PNO1: variants seen among roughly 807,000 people sequenced by gnomAD.
PNO1 encodes partner of NOB1 homolog.
Under a neutral mutation model 28.4 loss-of-function variants are expected in PNO1, and 16 were observed. The observed-to-expected ratio is 0.56, with a 90% confidence interval of 0.38 to 0.85. PNO1 has a LOEUF of 0.85. Among genes scored for constraint, PNO1 ranks in the 40% least tolerant of loss-of-function variants. The pLI, the probability that PNO1 is intolerant of heterozygous loss-of-function variation, is 0.00. For missense variants in PNO1, 304 were observed against 312.2 expected, an observed-to-expected ratio of 0.97 and a Z score of 0.20; for synonymous variants, 115 against 110.8, an observed-to-expected ratio of 1.04 and a Z score of -0.24.
intron 5 of PNO1, chr2:68,173,071 T>C (rs1674173609): frequency 3.4e-6 from 1 of 295,690 alleles, no homozygotes; most frequent in African/African-American, 2.2e-5. Context: ...AATGCTTTTT[T>C]GTCTACAATG....
At chr2:68,158,578 C>A in intron 2 of PNO1, 49 bp downstream of exon 2, 3 of 1,529,280 alleles carry the variant, frequency 2.0e-6, no homozygotes, top group Non-Finnish European at 2.7e-6. Context: ...TTCTCTCCTA[C>A]AGAGATGAAA....
At chr2:68,167,094 A>G (rs1674014400) in intron 5 of PNO1, among the ~76,000 whole-genome samples, 1 of 152,212 alleles carries the variant, frequency 6.6e-6, no homozygotes, top group Non-Finnish European at 1.5e-5. Flanking sequence ...TAATAATGAC[A>G]GTGTCTTCAA....
intron 6 of PNO1, among the ~76,000 whole-genome samples, 159 bp downstream of exon 6, chr2:68,173,576 A>ATTTTTTT (rs34874863): frequency 3.6e-5 from 4 of 111,404 alleles, no homozygotes; most frequent in Non-Finnish European, 6.9e-5. Context: ...AGGAAGTAGA[A>ATTTTTTT]TTTTTTTTTT....
chr2:68,171,321 T>G (rs762987515), intron 5 of PNO1, among the ~76,000 whole-genome samples: 11 of 152,238 alleles, frequency 7.2e-5, no homozygotes, highest in Non-Finnish European at 2.9e-5. Context: ...GCCCCCATGC[T>G]TTCTGCGTGC....
intron 5 of PNO1, among the ~76,000 whole-genome samples, chr2:68,164,988 C>T (rs964057992): frequency 6.6e-6 from 1 of 150,448 alleles, no homozygotes; most frequent in Non-Finnish European, 1.5e-5. Flanking sequence ...ACCACTTTGG[C>T]GCAATTATAA....
intron 2 of PNO1, among the ~76,000 whole-genome samples, chr2:68,159,254 A>ATGTGTG (rs71825244): frequency 6.7e-6 from 1 of 150,248 alleles, no homozygotes; most frequent in South Asian, 2.1e-4. Context: ...ATGCATATAT[A>ATGTGTG]TGTGTGTGTG....
chr2:68,159,492 T>C (rs1673774861), intron 2 of PNO1, among the ~76,000 whole-genome samples: 1 of 151,472 alleles, frequency 6.6e-6, no homozygotes, highest in Non-Finnish European at 1.5e-5. Flanking sequence ...AGGCGTGAGC[T>C]GCCCCACCGA....
At chr2:68,165,180 C>T (rs1446577681) in intron 5 of PNO1, among the ~76,000 whole-genome samples, 4 of 151,376 alleles carry the variant, frequency 2.6e-5, no homozygotes, top group Non-Finnish European at 4.4e-5. Flanking sequence ...CCGGCTAAAA[C>T]GGTGAAACCC....
chr2:68,164,038 A>G (rs1673910973), intron 5 of PNO1, among the ~76,000 whole-genome samples: 1 of 152,226 alleles, frequency 6.6e-6, no homozygotes, highest in Non-Finnish European at 1.5e-5. Flanking sequence ...CATTCTTTAC[A>G]CTTTAAGGAT....
intron 6 of PNO1, among the ~76,000 whole-genome samples, chr2:68,174,304 T>G (rs1012182459): frequency 1.3e-5 from 2 of 151,202 alleles, no homozygotes; most frequent in Non-Finnish European, 3.0e-5. Context: ...TTTTTTTTTT[T>G]TTTTTTGTAA....
At chr2:68,158,323 T>A (rs1230242338) in intron 1 of PNO1, 57 bp from the exon 2 acceptor site, 1 of 1,525,828 alleles carries the variant, frequency 6.6e-7, no homozygotes, top group Non-Finnish European at 8.9e-7. Flanking sequence ...GATGTCATTT[T>A]AAACTCCATC....
intron 2 of PNO1, chr2:68,161,091 GTTA>G (rs1572936561): frequency 7.3e-6 from 3 of 409,772 alleles, no homozygotes; most frequent in African/African-American, 4.2e-5. Flanking sequence ...TGTAAAGCAT[GTTA>G]TTTATAGTAC....
At chr2:68,160,434 A>C (rs1309915257) in intron 2 of PNO1, among the ~76,000 whole-genome samples, 5 of 152,126 alleles carry the variant, frequency 3.3e-5, no homozygotes, top group Non-Finnish European at 1.5e-5. Flanking sequence ...CTTCAGTTCC[A>C]GTATCTTTCC....
rs369267430 is a variant in PNO1, at chr2:68,163,386, G to GC, written c.620+725dup. 2.2e-3 allele frequency among the ~76,000 whole-genome samples: 327 copies of GC among 152,084 alleles called. 1 individual carries two copies. Among genetic ancestry groups the GC allele is most frequent in the African/African-American group, 7.3e-3 (303 of 41,486 alleles). ...CTCTCTACTAAAAATACAAAAATTA[G>GC]CCGGGCATGTGGCATACGCCTTTAG... is the stretch of plus-strand genomic sequence containing the variant. On this transcript the variant is annotated intron_variant, in intron 5 of 6. Coordinates refer to ENST00000263657, the MANE Select transcript of PNO1 (RefSeq NM_020143.4).
rs1178731414 is a variant in PNO1 at position 68,158,490 on chromosome 2, G to A, written c.318G>A (p.Gln106=). The A allele has an allele frequency of 1.9e-6, 3 of 1,613,554 alleles. No individual in the cohort carries two copies. Among genetic ancestry groups the A allele is most frequent in the Non-Finnish European group, 2.5e-6 (3 of 1,179,766 alleles). The change falls in exon 2 of 7, where the codon CAG becomes CAA. Residue 106 remains glutamine, a synonymous_variant. Transcript: ENST00000263657. ...FTPIVEHLGL[Q]IRFNLKSRNV... ...CTATTGTGGAACATTTGGGACTTCA[G>A]ATACGCTTTAACTTGAAATCAAGGA... is the stretch of plus-strand genomic sequence containing the variant.
At chr2:68,172,672 T>TG (rs1349203645) in intron 5 of PNO1, among the ~76,000 whole-genome samples, 1 of 152,220 alleles carries the variant, frequency 6.6e-6, no homozygotes, top group Non-Finnish European at 1.5e-5. Context: ...ATTGCATTTA[T>TG]GGGTATTCAG....
Position 68,158,107 on chromosome 2 carries a change from C to G in PNO1, c.173C>G (p.Pro58Arg), listed in dbSNP as rs143235257. 1.9e-6 allele frequency: 3 copies of G among 1,609,572 alleles called. No homozygotes were observed. The African/African-American group carries it at 4.0e-5, about 21-fold the overall frequency. Residue 58 changes from proline (P) to arginine (R), a missense_variant, in exon 1 of 7, where the codon CCC becomes CGC. Pro to Arg is a moderately radical substitution (Grantham distance 103). Coordinates refer to ENST00000263657, the MANE Select transcript of PNO1 (RefSeq NM_020143.4). ...GAGGAGGCCAGGCCGGCGAAGAGGC[C>G]CGTCTTCCCACCCCTCTGTGGGGAC... Reference protein sequence around the residue: ...DTEEARPAKRPVFPPLCGDGL... With the variant: ...DTEEARPAKRRVFPPLCGDGL...
At chr2:68,162,136 C>T (rs1673847050) in intron 3 of PNO1, 129 bp from the exon 4 acceptor site, 1 of 619,766 alleles carries the variant, frequency 1.6e-6, no homozygotes, top group Non-Finnish European at 2.6e-6. Flanking sequence ...AAGACTCTGT[C>T]TCCAAGGGAA....
intron 5 of PNO1, among the ~76,000 whole-genome samples, chr2:68,167,025 A>G (rs956408130): frequency 3.9e-5 from 6 of 152,198 alleles, no homozygotes; most frequent in Admixed American, 6.5e-5. Flanking sequence ...ACCTCTGGAC[A>G]TGGTTTTCTC....
Sources: gnomAD v4.1 joint callset for allele counts (sites outside exome capture counted in the v4.1 genomes callset) on GRCh38, gnomAD v4.1.1 for gene constraint, MANE v1.5 for transcripts, NCBI Gene and HGNC (gene_info 2026-07-23, HGNC 2026-07-21) for gene names.